CRYL1: variants seen among roughly 807,000 people sequenced by gnomAD.
CRYL1 encodes crystallin lambda 1.
Under a neutral mutation model 36.6 loss-of-function variants are expected in CRYL1, and 29 were observed. That is an observed-to-expected ratio of 0.79 (90% CI 0.59 to 1.08). The LOEUF (loss-of-function observed/expected upper bound fraction) is 1.08. Among genes scored for constraint, CRYL1 ranks in the 50% least tolerant of loss-of-function variants. The pLI is 0.00. For synonymous variants in CRYL1, 152 were observed against 151.5 expected (o/e 1.00, Z -0.02); for missense variants, 411 against 407.9 (o/e 1.01, Z -0.06).
chr13:20,512,555 A>C lies in CRYL1; in HGVS notation c.42-5T>G, dbSNP rs2033934370. The C allele has an allele frequency of 6.2e-7, 1 of 1,605,292 alleles. No individual in the cohort carries two copies. Among genetic ancestry groups the C allele is most frequent in the African/African-American group, 1.3e-5 (1 of 74,822 alleles). On this transcript the variant is annotated splice_polypyrimidine_tract_variant and splice_region_variant and intron_variant, in intron 1 of 7. Coordinates refer to ENST00000298248, the MANE Select transcript of CRYL1 (RefSeq NM_015974.3). ...CAGCTTCGCCCAATGACTCCACTGA[A>C]GGGAGATAAAAGAAAGGATTCGAGT...
chr13:20,424,080 C>G (rs994724080), intron 5 of CRYL1, among the ~76,000 whole-genome samples: 1 of 151,992 alleles, frequency 6.6e-6, no homozygotes, highest in Admixed American at 6.5e-5. Flanking sequence ...GGAATGGGCT[C>G]TGATATAGTT....
At chr13:20,467,613 G>A (rs2032966010) in intron 3 of CRYL1, among the ~76,000 whole-genome samples, 1 of 152,180 alleles carries the variant, frequency 6.6e-6, no homozygotes, top group African/African-American at 2.4e-5. Context: ...CCTGAGGTCA[G>A]GAGTTCAAAC....
At chr13:20,477,502 C>A (rs1305817440) in intron 3 of CRYL1, among the ~76,000 whole-genome samples, 1 of 150,710 alleles carries the variant, frequency 6.6e-6, no homozygotes, top group African/African-American at 2.4e-5. Context: ...TACTAGCACC[C>A]ACTTTACATG....
intron 1 of CRYL1, among the ~76,000 whole-genome samples, chr13:20,516,796 C>G (rs1330771573): frequency 6.6e-6 from 1 of 152,126 alleles, no homozygotes; most frequent in African/African-American, 2.4e-5. Flanking sequence ...TAATTTTGAA[C>G]AGGCCTGGCT....
chr13:20,485,555 G>A (rs1379994489), intron 3 of CRYL1, among the ~76,000 whole-genome samples: 1 of 152,026 alleles, frequency 6.6e-6, no homozygotes, highest in Admixed American at 6.5e-5. Flanking sequence ...TGTAATCCCA[G>A]CTACTCAGGA....
At chr13:20,437,256 TTTAA>T (rs2032241720) in intron 4 of CRYL1, among the ~76,000 whole-genome samples, 1 of 152,170 alleles carries the variant, frequency 6.6e-6, no homozygotes, top group Admixed American at 6.5e-5. Context: ...TTTGATTTGC[TTTAA>T]TTAACATCGG....
intron 6 of CRYL1, chr13:20,406,150 A>C (rs1192634992): frequency 6.6e-6 from 1 of 152,220 alleles, no homozygotes; most frequent in African/African-American, 2.4e-5. Context: ...ACATGGGGAC[A>C]AACGAAGCTG....
intron 3 of CRYL1, among the ~76,000 whole-genome samples, chr13:20,449,715 T>G (rs1160291389): frequency 1.3e-5 from 2 of 152,214 alleles, no homozygotes; most frequent in East Asian, 3.9e-4. Flanking sequence ...ATCAAAAGGC[T>G]CCTGAAACTG....
At chr13:20,420,174 G>C (rs1187335848) in intron 5 of CRYL1, among the ~76,000 whole-genome samples, 1 of 152,210 alleles carries the variant, frequency 6.6e-6, no homozygotes, top group African/African-American at 2.4e-5. Context: ...GATGCAAGAG[G>C]ACACTGAATC....
intron 3 of CRYL1, among the ~76,000 whole-genome samples, chr13:20,479,464 T>C (rs1020128043): frequency 1.3e-5 from 2 of 152,148 alleles, no homozygotes; most frequent in African/African-American, 4.8e-5. Flanking sequence ...ATCAACCAAG[T>C]TTAACTTACA....
chr13:20,432,316 T>C lies in CRYL1; in HGVS notation c.439-20A>G. 6.3e-7 allele frequency: 1 copy of C among 1,577,342 alleles called. No individual in the cohort carries two copies. The highest frequency in any genetic ancestry group is 8.7e-7 in the Non-Finnish European group (1 of 1,153,872). ...ATTCACCTTAGGAGAGAGAGAGAAG[T>C]GGGGGAGTCAAGGAGATGATCCTGG... On this transcript the variant is annotated intron_variant, in intron 4 of 7. Coordinates refer to ENST00000298248, the MANE Select transcript of CRYL1 (RefSeq NM_015974.3).
intron 3 of CRYL1, 64 bp from the exon 4 acceptor site, chr13:20,439,818 T>A: frequency 6.8e-7 from 1 of 1,479,196 alleles, no homozygotes; most frequent in Non-Finnish European, 9.3e-7. Flanking sequence ...GCAAAGCATT[T>A]CATGTTTGTT....
chr13:20,496,676 C>T (rs1004585215), intron 2 of CRYL1, among the ~76,000 whole-genome samples: 7 of 26,498 alleles, frequency 2.6e-4, no homozygotes, highest in African/African-American at 3.0e-4. Context: ...TTTGGGAGGC[C>T]GAGGCAGGCA....
At chr13:20,501,776 G>A (rs1555232426) in intron 2 of CRYL1, among the ~76,000 whole-genome samples, 1 of 152,170 alleles carries the variant, frequency 6.6e-6, no homozygotes, top group Non-Finnish European at 1.5e-5. Flanking sequence ...CTTTGACGTT[G>A]ACATTGCTGT....
At chr13:20,416,027 G>C (rs1330948982) in intron 5 of CRYL1, among the ~76,000 whole-genome samples, 1 of 152,208 alleles carries the variant, frequency 6.6e-6, no homozygotes, top group Admixed American at 6.5e-5. Flanking sequence ...GGCCCGGGCC[G>C]CGGCTGGGGC....
At chr13:20,477,628 T>TCTGTGTAGCACACAGTATCCAACAGTC in intron 3 of CRYL1, among the ~76,000 whole-genome samples, 1 of 148,594 alleles carries the variant, frequency 6.7e-6, no homozygotes, top group East Asian at 2.0e-4. Context: ...CATGGTGTAT[T>TCTGTGTAGCACACAGTATCCAACAGTC]TAATATTACA....
At chr13:20,420,127 C>T (rs1017055662) in intron 5 of CRYL1, among the ~76,000 whole-genome samples, 10 of 152,204 alleles carry the variant, frequency 6.6e-5, no homozygotes, top group Non-Finnish European at 1.0e-4. Flanking sequence ...ATTTTGCTAA[C>T]GCTACAAGGG....
chr13:20,466,595 T>C (rs75851855), intron 3 of CRYL1, among the ~76,000 whole-genome samples: 174 of 152,202 alleles, frequency 1.1e-3, no homozygotes, highest in Non-Finnish European at 2.0e-3. Context: ...TGAGTTATCA[T>C]TGCATACATA....
At chr13:20,463,464 C>T (rs1026978012) in intron 3 of CRYL1, among the ~76,000 whole-genome samples, 9 of 152,198 alleles carry the variant, frequency 5.9e-5, no homozygotes, top group Non-Finnish European at 1.3e-4. Context: ...AGCCAACCAG[C>T]ATAACAGTCC....
Sources: gnomAD v4.1 joint callset for allele counts (sites outside exome capture counted in the v4.1 genomes callset) on GRCh38, gnomAD v4.1.1 for gene constraint, MANE v1.5 for transcripts, NCBI Gene and HGNC (gene_info 2026-07-23, HGNC 2026-07-21) for gene names.